Variants in ASGR2 observed in about 807,000 individuals in gnomAD.
ASGR2 encodes asialoglycoprotein receptor 2.
Under a neutral mutation model 32.3 loss-of-function variants are expected in ASGR2, and 34 were observed. The ratio of observed to expected loss-of-function variants is 1.05; its 90% CI spans 0.80 to 1.40. ASGR2 has a LOEUF of 1.40. Ranked by LOEUF, ASGR2 falls within the 40% of genes most tolerant of loss-of-function variation. ASGR2 has a pLI of 0.00. For missense variants in ASGR2, 385 were observed against 386.4 expected, an observed-to-expected ratio of 1.00 and a Z score of 0.03; for synonymous variants, 143 against 150.0, an observed-to-expected ratio of 0.95 and a Z score of 0.34.
At chr17:7,109,701 C>T (rs1433414779) in intron 2 of ASGR2, among the ~76,000 whole-genome samples, 1 of 152,108 alleles carries the variant, frequency 6.6e-6, no homozygotes, top group Non-Finnish European at 1.5e-5. Flanking sequence ...CACACACTCA[C>T]ACACTCACAC....
At position 7,110,789 on chromosome 17, in the gene ASGR2, A is replaced by G. The variant is rs188391129; in HGVS notation, c.125-1901T>C. On this transcript the variant is annotated intron_variant, in intron 2 of 8. Coordinates refer to ENST00000691900, the MANE Select transcript of ASGR2 (RefSeq NM_001201352.2). ...AAACAAAAACAGACAACTATAGAACATGGCAGCTTTCAAGACTCTGGACAT... is the reference window on the plus strand; with the variant it reads ...AAACAAAAACAGACAACTATAGAACGTGGCAGCTTTCAAGACTCTGGACAT... 1.8e-4 allele frequency among the ~76,000 whole-genome samples: 27 copies of G among 152,336 alleles called. No individual in the cohort carries two copies. The East Asian group carries it at 5.2e-3, about 29-fold the overall frequency.
In ASGR2 at chr17:7,107,887, T is replaced by A; in HGVS notation, c.358A>T (p.Ile120Phe). 1 of 1,613,210 alleles carries A rather than the reference T, an allele frequency of 6.2e-7. No individual in the cohort carries two copies. The highest frequency in any genetic ancestry group is 8.5e-7 in the Non-Finnish European group (1 of 1,179,922). ...STHGGSVGDK[I>F]TSLGAKLEKQ... Reference sequence around the variant, plus strand: ...TCCAGCTTGGCTCCTAGGGATGTGATCTTGTCACCCACGCTGCCTCCTGGA... The same window carrying A: ...TCCAGCTTGGCTCCTAGGGATGTGAACTTGTCACCCACGCTGCCTCCTGGA... Residue 120 changes from isoleucine (I) to phenylalanine (F), a missense_variant, in exon 5 of 9, where the codon ATC becomes TTC. Transcript: ENST00000691900. The surrounding 1 kb of genome is among the most constrained non-coding windows in gnomAD (Gnocchi z 5.0).
At position 7,101,586 on chromosome 17, in the gene ASGR2, C is replaced by T. The variant is rs776462471; in HGVS notation, c.910G>A (p.Glu304Lys). 3.7e-6 allele frequency: 6 copies of T among 1,613,956 alleles called. No homozygotes were observed. Among genetic ancestry groups the T allele is most frequent in the Non-Finnish European group, 3.4e-6 (4 of 1,180,010 alleles). Reference protein sequence around the residue: ...VCEKRRNATGEVA With the variant: ...VCEKRRNATGKVA Reference sequence around the variant, plus strand: ...GAGGTGTGCTGGGGTCAGGCCACCTCGCCGGTGGCATTCCGCCTTTTCTCA... The same window carrying T: ...GAGGTGTGCTGGGGTCAGGCCACCTTGCCGGTGGCATTCCGCCTTTTCTCA... The change falls in exon 9 of 9, where the codon GAG becomes AAG. Residue 304 changes from glutamate to lysine, a missense_variant. Coordinates refer to ENST00000691900, the MANE Select transcript of ASGR2 (RefSeq NM_001201352.2).
Position 7,113,432 on chromosome 17 carries a change from TACACAACACTC to T in ASGR2, c.124+674_124+684del, listed in dbSNP as rs1428728432. Reference sequence around the variant, plus strand: ...GCACAACATACACACACGCACAACATACACAACACTCACACAACACACAAACATACATACAC... The same window carrying T: ...GCACAACATACACACACGCACAACATACACAACACACAAACATACATACAC... On this transcript the variant is annotated intron_variant, in intron 2 of 8. Coordinates refer to ENST00000691900, the MANE Select transcript of ASGR2 (RefSeq NM_001201352.2). The surrounding 1 kb of genome is among the most constrained non-coding windows in gnomAD (Gnocchi z 5.1). Among the ~76,000 whole-genome samples the T allele has an allele frequency of 7.4e-5, 10 of 135,432 alleles. No individual in the cohort carries two copies. The highest frequency in any genetic ancestry group is 2.6e-4 in the African/African-American group (9 of 34,902). The allele number at this position is 135,432 out of a possible 152,430, so 88.8% of individuals were successfully genotyped here.
chr17:7,107,734 CA>C lies in ASGR2; in HGVS notation c.409+101del. 1.2e-6 allele frequency: 1 copy of C among 821,582 alleles called. No homozygotes were observed. Among genetic ancestry groups the C allele is most frequent in the Non-Finnish European group, 1.8e-6 (1 of 562,464 alleles). 50.9% of individuals were successfully genotyped at this position (821,582 alleles called of 1,614,324 possible). A position where few individuals can be genotyped will look rare whatever the true frequency, so the allele number is the denominator to read the frequency against. On this transcript the variant is annotated intron_variant, in intron 5 of 8. Coordinates refer to ENST00000691900, the MANE Select transcript of ASGR2 (RefSeq NM_001201352.2). This position sits in a 1 kb window ranked among gnomAD's most constrained non-coding sequence, Gnocchi z 5.0. Reference sequence around the variant, plus strand: ...ATGCTTGCAGGCACACACACGCACGCACGCACACGTGCACACTACACACACC... The same window carrying C: ...ATGCTTGCAGGCACACACACGCACGCCGCACACGTGCACACTACACACACC...
intron 2 of ASGR2, among the ~76,000 whole-genome samples, chr17:7,112,194 G>C (rs1228305192): frequency 1.3e-5 from 2 of 149,956 alleles, no homozygotes; most frequent in East Asian, 3.9e-4. Context: ...TGAGTGAGCT[G>C]TGGGACCCTT....
In ASGR2 at chr17:7,110,102, C is replaced by T. The variant is rs567321020; in HGVS notation, c.125-1214G>A. On this transcript the variant is annotated intron_variant, in intron 2 of 8. Coordinates refer to ENST00000691900, the MANE Select transcript of ASGR2 (RefSeq NM_001201352.2). Reference sequence around the variant, plus strand: ...AGTCAGGGGCCCAGAATCTTCCTCCCCAGGTCACTTCCTGCCACTGTCCTG... The same window carrying T: ...AGTCAGGGGCCCAGAATCTTCCTCCTCAGGTCACTTCCTGCCACTGTCCTG... Among the ~76,000 whole-genome samples the T allele has an allele frequency of 2.0e-5, 3 of 152,264 alleles. No homozygotes were observed. The South Asian group carries it at 6.2e-4, about 32-fold the overall frequency.
chr17:7,113,291 C>G lies in ASGR2; in HGVS notation c.124+826G>C, dbSNP rs1416338169. 8.2e-6 allele frequency among the ~76,000 whole-genome samples: 1 copy of G among 122,336 alleles called. No individual in the cohort carries two copies. Among genetic ancestry groups the G allele is most frequent in the Non-Finnish European group, 1.8e-5 (1 of 57,000 alleles). 80.3% of individuals were successfully genotyped at this position (122,336 alleles called of 152,430 possible). ...TCCCAACTCACCCCACCTCTACACACACACACACACACACATACAATCACA... is the reference window on the plus strand; with the variant it reads ...TCCCAACTCACCCCACCTCTACACAGACACACACACACACATACAATCACA... On this transcript the variant is annotated intron_variant, in intron 2 of 8. Transcript: ENST00000691900. This position sits in a 1 kb window ranked among gnomAD's most constrained non-coding sequence, Gnocchi z 5.1.
At position 7,114,160 on chromosome 17, in the gene ASGR2, G is replaced by A; in HGVS notation, c.81C>T (p.Gly27=). 1.2e-6 allele frequency: 2 copies of A among 1,614,216 alleles called. No homozygotes were observed. The highest frequency in any genetic ancestry group is 1.3e-5 in the African/African-American group (1 of 75,054). Residue 27 remains glycine (G), a synonymous_variant, in exon 2 of 9, where the codon GGC becomes GGT. Transcript: ENST00000691900. This position sits in a 1 kb window ranked among gnomAD's most constrained non-coding sequence, Gnocchi z 4.5. ...CTCTCCTGGGATTCAGCCTGCGAGT[G>A]CCTGGCCCCTCACCTTGATGGAAAG... ...DHPFHQGEGP[G]TRRLNPRRGN... is the part of the protein sequence containing the mutation.
chr17:7,106,138 C>T (rs576555480), intron 7 of ASGR2, among the ~76,000 whole-genome samples: 2 of 151,978 alleles, frequency 1.3e-5, no homozygotes, highest in Non-Finnish European at 2.9e-5. Context: ...TTTTTTTTAA[C>T]TCTTGAAGAG....
chr17:7,111,460 T>G (rs540383755), intron 2 of ASGR2, among the ~76,000 whole-genome samples: 25 of 151,708 alleles, frequency 1.6e-4, no homozygotes, highest in Middle Eastern at 3.4e-3. Flanking sequence ...ATCGACACCA[T>G]CCTGGCTAAC....
chr17:7,110,221 C>G (rs978864483), intron 2 of ASGR2, among the ~76,000 whole-genome samples: 3 of 152,150 alleles, frequency 2.0e-5, no homozygotes, highest in Admixed American at 6.5e-5. Context: ...ACACTCAGGA[C>G]CCCATTTGAC....
chr17:7,105,331 A>G (rs1913504763), intron 7 of ASGR2, among the ~76,000 whole-genome samples: 3 of 150,228 alleles, frequency 2.0e-5, no homozygotes. Flanking sequence ...ACACTCACCT[A>G]TTAAAAGAAA....
Position 7,107,371 on chromosome 17 carries a change from G to C in ASGR2, c.410-54C>G. 1 of 1,577,732 alleles carries C rather than the reference G, an allele frequency of 6.3e-7. No homozygotes were observed. The highest frequency in any genetic ancestry group is 1.3e-5 in the African/African-American group (1 of 74,142). ...GGCAGGTGTGGTCCCCACCTGCTAG[G>C]CTCCAGCCTGTGGCTGGGGAAGCAT... On this transcript the variant is annotated intron_variant, in intron 5 of 8. Transcript: ENST00000691900. The surrounding 1 kb of genome is among the most constrained non-coding windows in gnomAD (Gnocchi z 5.0).
chr17:7,114,178 A>C lies in ASGR2; in HGVS notation c.63T>G (p.His21Gln). 6.2e-7 allele frequency: 1 copy of C among 1,614,158 alleles called. No individual in the cohort carries two copies. Among genetic ancestry groups the C allele is most frequent in the Non-Finnish European group, 8.5e-7 (1 of 1,180,020 alleles). ...TGCGAGTGCCTGGCCCCTCACCTTGATGGAAAGGATGGTCATTTTCCTCCG... is the reference window on the plus strand; with the variant it reads ...TGCGAGTGCCTGGCCCCTCACCTTGCTGGAAAGGATGGTCATTTTCCTCCG... ...LSSEENDHPF[H>Q]QGEGPGTRRL... The change falls in exon 2 of 9, where the codon CAT (histidine) becomes CAG (glutamine). Residue 21 changes from histidine (H) to glutamine (Q), a missense_variant. Coordinates refer to ENST00000691900, the MANE Select transcript of ASGR2 (RefSeq NM_001201352.2). This position sits in a 1 kb window ranked among gnomAD's most constrained non-coding sequence, Gnocchi z 4.5.
chr17:7,112,347 G>C (rs139549430), intron 2 of ASGR2, among the ~76,000 whole-genome samples: 1 of 151,628 alleles, frequency 6.6e-6, no homozygotes, highest in African/African-American at 2.4e-5. Context: ...CCCACCACCC[G>C]GGCTGCTGGA....
intron 7 of ASGR2, among the ~76,000 whole-genome samples, chr17:7,102,697 A>G (rs1913025520): frequency 6.6e-6 from 1 of 152,094 alleles, no homozygotes; most frequent in South Asian, 2.1e-4. Context: ...TGAAGATCTC[A>G]GTTTCACTGG....
In ASGR2 at chr17:7,113,266, T is replaced by G. The variant is rs1240934896; in HGVS notation, c.124+851A>C. Among the ~76,000 whole-genome samples the G allele has an allele frequency of 6.7e-6, 1 of 150,174 alleles. No individual in the cohort carries two copies. The highest frequency in any genetic ancestry group is 1.5e-5 in the Non-Finnish European group (1 of 67,692). ...TCTCTGTGCTCACGTCCCCCACCCA[T>G]CCCAACTCACCCCACCTCTACACAC... On this transcript the variant is annotated intron_variant, in intron 2 of 8. Transcript: ENST00000691900. The surrounding 1 kb of genome is among the most constrained non-coding windows in gnomAD (Gnocchi z 5.1).
At chr17:7,109,381 T>G (rs973015109) in intron 2 of ASGR2, among the ~76,000 whole-genome samples, 1 of 152,074 alleles carries the variant, frequency 6.6e-6, no homozygotes, top group Admixed American at 6.5e-5. Context: ...CTGGGCCCTG[T>G]GTTCTTCCTA....
Sources: gnomAD v4.1 joint callset for allele counts (sites outside exome capture counted in the v4.1 genomes callset) on GRCh38, gnomAD v4.1.1 for gene constraint, Gnocchi (gnomAD v3.1) non-coding constraint, MANE v1.5 for transcripts, NCBI Gene and HGNC (gene_info 2026-07-23, HGNC 2026-07-21) for gene names.